Variants in MYCBP2 observed in about 807,000 individuals in gnomAD.
The protein encoded by MYCBP2 is MYC binding protein 2.
A neutral mutation model predicts 525.3 loss-of-function variants in MYCBP2; 120 were observed. The ratio of observed to expected loss-of-function variants is 0.23; its 90% CI spans 0.20 to 0.27. The LOEUF (loss-of-function observed/expected upper bound fraction) is 0.27, where lower values mean the gene tolerates loss of function less well. MYCBP2 is among the 10% of genes least tolerant of loss of function. The probability of loss-of-function intolerance (pLI) is 1.00; values close to 1 mark genes in which losing one functional copy is unlikely to be tolerated. For synonymous variants in MYCBP2, 1,894 were observed against 1,955.8 expected, an observed-to-expected ratio of 0.97 and a Z score of 0.83; for missense variants, 4,149 against 5,657.1, an observed-to-expected ratio of 0.73 and a Z score of 8.55.
chr13:77,166,398 T>C lies in MYCBP2; in HGVS notation c.6271A>G (p.Asn2091Asp). ...AATTTCTTTAATTCTATCCATGAAT[T>C]AAGATTTTCATGAACAGATGTCAAT... ...PKLTSVHENL[N>D]SWIELKKFSG... The change falls in exon 41 of 83, where the codon AAT becomes GAT. Residue 2091 changes from asparagine (N) to aspartate (D), a missense_variant. Physicochemically the swap from Asn to Asp is conservative, Grantham distance 23. Coordinates refer to ENST00000544440, the MANE Select transcript of MYCBP2 (RefSeq NM_015057.5). 2 of 1,613,946 alleles carry C rather than the reference T, an allele frequency of 1.2e-6. No individual in the cohort carries two copies. Among genetic ancestry groups the C allele is most frequent in the Non-Finnish European group, 1.7e-6 (2 of 1,179,918 alleles).
intron 68 of MYCBP2, among the ~76,000 whole-genome samples, chr13:77,073,628 T>G (rs2041767811): frequency 6.6e-6 from 1 of 152,046 alleles, no homozygotes; most frequent in African/African-American, 2.4e-5. Context: ...TACATGATTA[T>G]CTAAGAAAAC....
intron 35 of MYCBP2, among the ~76,000 whole-genome samples, chr13:77,177,050 CTCAA>C (rs1217913568): frequency 2.6e-5 from 4 of 151,554 alleles, no homozygotes; most frequent in African/African-American, 4.8e-5. Context: ...AAAGATATAG[CTCAA>C]TCAGTCAACA....
intron 82 of MYCBP2, 136 bp from the exon 83 acceptor site, chr13:77,045,629 A>C: frequency 3.1e-6 from 2 of 636,710 alleles, no homozygotes; most frequent in Admixed American, 6.3e-5. Context: ...AACATTTAGA[A>C]ATTTTTCTTC....
chr13:77,220,949 G>A (rs1480753712), intron 20 of MYCBP2, among the ~76,000 whole-genome samples: 2 of 152,134 alleles, frequency 1.3e-5, no homozygotes, highest in Admixed American at 6.5e-5. Flanking sequence ...CCACTCAATG[G>A]AACAAGGACC....
chr13:77,054,654 G>A (rs1032406962), intron 80 of MYCBP2, among the ~76,000 whole-genome samples: 2 of 149,758 alleles, frequency 1.3e-5, no homozygotes, highest in Non-Finnish European at 3.0e-5. Flanking sequence ...AGGCTGGACT[G>A]CAGTGGCACA....
intron 26 of MYCBP2, among the ~76,000 whole-genome samples, chr13:77,201,580 C>T (rs1413341222): frequency 6.6e-6 from 1 of 151,274 alleles, no homozygotes; most frequent in African/African-American, 2.4e-5. Flanking sequence ...CCCAAATCAA[C>T]AGAATATACA....
At chr13:77,240,359 A>G (rs1198816650) in intron 17 of MYCBP2, among the ~76,000 whole-genome samples, 1 of 152,126 alleles carries the variant, frequency 6.6e-6, no homozygotes, top group Non-Finnish European at 1.5e-5. Context: ...TATAATCCCA[A>G]CACTTTGGGA....
rs962996554 is a variant in MYCBP2 at position 77,327,010 on chromosome 13, T to C, written c.-235A>G. ...TCATCTAACCCCGCCACCCCGGGAA[T>C]GTGAGGAGGAGGCGGTGCCGCCACT... is the stretch of plus-strand genomic sequence containing the variant. On this transcript the variant is annotated 5_prime_UTR_variant, in exon 1 of 83. Coordinates refer to ENST00000544440, the MANE Select transcript of MYCBP2 (RefSeq NM_015057.5). 37 of 440,286 alleles carry C rather than the reference T, an allele frequency of 8.4e-5. No individual in the cohort carries two copies. The highest frequency in any genetic ancestry group is 1.4e-4 in the Non-Finnish European group (35 of 255,786). 27.3% of individuals were successfully genotyped at this position (440,286 alleles called of 1,614,324 possible). A position where few individuals can be genotyped will look rare whatever the true frequency, so the allele number is the denominator to read the frequency against.
intron 68 of MYCBP2, chr13:77,075,578 T>A (rs2154094599): frequency 6.6e-6 from 1 of 152,316 alleles, no homozygotes; most frequent in East Asian, 1.9e-4. Context: ...GGCACAATGA[T>A]CTCAAGGTAC....
chr13:77,157,636 G>A (rs573448448), intron 45 of MYCBP2, among the ~76,000 whole-genome samples: 1 of 152,136 alleles, frequency 6.6e-6, no homozygotes, highest in African/African-American at 2.4e-5. Context: ...TGTAATCCCA[G>A]CTACCTGGGA....
intron 62 of MYCBP2, among the ~76,000 whole-genome samples, chr13:77,086,426 A>G (rs553989315): frequency 2.0e-5 from 3 of 152,170 alleles, no homozygotes; most frequent in African/African-American, 7.2e-5. Context: ...TTTGTCCACC[A>G]TGATTTGTAT....
At chr13:77,074,201 C>T (rs530120200) in intron 68 of MYCBP2, among the ~76,000 whole-genome samples, 1 of 152,138 alleles carries the variant, frequency 6.6e-6, no homozygotes, top group East Asian at 1.9e-4. Context: ...AACAGACCTA[C>T]CATTTATGGT....
chr13:77,058,428 G>A lies in MYCBP2; in HGVS notation c.13141-22C>T. ...ATTCCTGTTAAAGATGAATTACAAT[G>A]TTACACAAGTATGTAAAAAAGCACA... is the stretch of plus-strand genomic sequence containing the variant. On this transcript the variant is annotated intron_variant, in intron 77 of 82. Transcript: ENST00000544440. This position sits in a 1 kb window ranked among gnomAD's most constrained non-coding sequence, Gnocchi z 4.1. The A allele has an allele frequency of 6.5e-7, 1 of 1,537,724 alleles. No individual in the cohort carries two copies. Among genetic ancestry groups the A allele is most frequent in the African/African-American group, 1.4e-5 (1 of 71,818 alleles).
chr13:77,199,712 C>T (rs570126236), intron 26 of MYCBP2, among the ~76,000 whole-genome samples: 67 of 152,350 alleles, frequency 4.4e-4, no homozygotes, highest in Non-Finnish European at 7.1e-4. Context: ...GGCAGACTGC[C>T]TCCTCAAGTG....
At chr13:77,205,966 T>C (rs1024973189) in intron 24 of MYCBP2, among the ~76,000 whole-genome samples, 4 of 152,124 alleles carry the variant, frequency 2.6e-5, no homozygotes, top group African/African-American at 9.7e-5. Context: ...AACACTAGTT[T>C]TGGATGTCTA....
intron 69 of MYCBP2, 42 bp downstream of exon 69, chr13:77,070,589 C>CACA: frequency 7.2e-7 from 1 of 1,390,132 alleles, no homozygotes; most frequent in Non-Finnish European, 1.0e-6. Flanking sequence ...CACACACACA[C>CACA]ACACAAAACT....
chr13:77,079,080 C>CATTT (rs2042845423), intron 65 of MYCBP2, among the ~76,000 whole-genome samples, 191 bp from the exon 66 acceptor site: 1 of 152,128 alleles, frequency 6.6e-6, no homozygotes, highest in African/African-American at 2.4e-5. Context: ...CAAACTCCAT[C>CATTT]TTAAATTGCA....
At chr13:77,309,946 T>A (rs969521898) in intron 1 of MYCBP2, among the ~76,000 whole-genome samples, 1 of 152,100 alleles carries the variant, frequency 6.6e-6, no homozygotes, top group Admixed American at 6.5e-5. Context: ...ATCCCATCTC[T>A]ACTAAAAATA....
chr13:77,139,163 C>T, intron 52 of MYCBP2, 33 bp downstream of exon 52: 2 of 1,605,500 alleles, frequency 1.2e-6, no homozygotes, highest in Non-Finnish European at 8.5e-7. Flanking sequence ...CAGCGTGTAT[C>T]TATAATGCTT....
Sources: allele counts gnomAD v4.1 joint callset (sites outside exome capture counted in the v4.1 genomes callset), GRCh38; gene constraint gnomAD v4.1.1; non-coding constraint Gnocchi (gnomAD v3.1); transcripts MANE v1.5; gene names NCBI Gene and HGNC (gene_info 2026-07-23, HGNC 2026-07-21).